The following HPSE2 variants were observed in gnomAD, a reference collection of about 807,000 sequenced individuals.
HPSE2 encodes heparanase 2 (inactive).
A neutral mutation model predicts 60.5 loss-of-function variants in HPSE2; 38 were observed. The ratio of observed to expected loss-of-function variants is 0.63; its 90% CI spans 0.48 to 0.82. The LOEUF (loss-of-function observed/expected upper bound fraction) is 0.82. HPSE2 is among the 40% of genes least tolerant of loss of function. The pLI is 0.00. For synonymous variants in HPSE2, 295 were observed against 293.2 expected (o/e 1.01, Z -0.06); for missense variants, 713 against 740.4 (o/e 0.96, Z 0.43).
intron 2 of HPSE2, among the ~76,000 whole-genome samples, chr10:99,184,815 TATATAGAGAGAGAGAGAGAG>T (rs1330991111): frequency 5.9e-4 from 17 of 28,642 alleles, no homozygotes; most frequent in Admixed American, 3.0e-3. Context: ...TATATATATA[TATATAGAGAGAGAGAGAGAG>T]AGAGAGAGAG....
intron 3 of HPSE2, among the ~76,000 whole-genome samples, chr10:98,806,742 A>C (rs1951050474): frequency 6.6e-6 from 1 of 152,188 alleles, no homozygotes; most frequent in Non-Finnish European, 1.5e-5. Context: ...TCATGTCTCT[A>C]ATTCTCATGA....
At chr10:98,917,634 C>T (rs1210931721) in intron 3 of HPSE2, among the ~76,000 whole-genome samples, 3 of 152,078 alleles carry the variant, frequency 2.0e-5, no homozygotes, top group Admixed American at 6.6e-5. Context: ...CAGTTTGGTG[C>T]CTGAATGAGG....
chr10:98,926,759 T>A (rs1351380795), intron 3 of HPSE2, among the ~76,000 whole-genome samples: 1 of 152,198 alleles, frequency 6.6e-6, no homozygotes, highest in African/African-American at 2.4e-5. Flanking sequence ...TTGTGATACA[T>A]CTTGTCCCTT....
At chr10:99,147,983 C>T (rs1846118109) in intron 2 of HPSE2, among the ~76,000 whole-genome samples, 1 of 152,040 alleles carries the variant, frequency 6.6e-6, no homozygotes, top group South Asian at 2.1e-4. Flanking sequence ...GAAAGCCAGA[C>T]CAAACAGAAG....
In HPSE2 at chr10:99,210,016, T is replaced by C. The variant is rs543187849; in HGVS notation, c.448+22332A>G. Among the ~76,000 whole-genome samples the C allele has an allele frequency of 8.6e-5, 13 of 151,372 alleles. No individual in the cohort carries two copies. In the South Asian group the frequency reaches 2.5e-3, roughly 29 times the overall value. The stretch of plus-strand genomic sequence containing the variant: ...GAGCTGTTTTTTTGAAAAGATAAAA[T>C]CAACAAATCTTTAGCTAGATTAAGA... On this transcript the variant is annotated intron_variant, in intron 2 of 11. Coordinates refer to ENST00000370552, the MANE Select transcript of HPSE2 (RefSeq NM_021828.5).
chr10:99,249,644 G>C, the HPSE2 span, among the ~76,000 whole-genome samples: 1 of 152,186 alleles, frequency 6.6e-6, no homozygotes, highest in African/African-American at 2.4e-5. Flanking sequence ...ACTATATTTT[G>C]CAATGTGAGA....
At chr10:98,485,554 C>A (rs1340860055) in intron 10 of HPSE2, among the ~76,000 whole-genome samples, 2 of 152,114 alleles carry the variant, frequency 1.3e-5, no homozygotes, top group Admixed American at 1.3e-4. Flanking sequence ...CTTATGTCCC[C>A]AGAACTCTGA....
At chr10:98,855,159 G>C (rs1371943663) in intron 3 of HPSE2, among the ~76,000 whole-genome samples, 1 of 152,220 alleles carries the variant, frequency 6.6e-6, no homozygotes, top group Admixed American at 6.5e-5. Context: ...CACCATACAA[G>C]CTGGTAAGAA....
intron 3 of HPSE2, among the ~76,000 whole-genome samples, chr10:98,942,525 A>T (rs572648303): frequency 5.1e-4 from 77 of 152,002 alleles, no homozygotes; most frequent in Admixed American, 1.3e-3. Context: ...TCAAAACCAC[A>T]ATGAGATACC....
intron 3 of HPSE2, among the ~76,000 whole-genome samples, chr10:98,971,266 T>C (rs1182246216): frequency 3.3e-5 from 5 of 152,204 alleles, no homozygotes; most frequent in Admixed American, 6.5e-5. Flanking sequence ...GAATTGTGGA[T>C]TTTTTAAAAA....
intron 7 of HPSE2, among the ~76,000 whole-genome samples, chr10:98,634,326 T>C (rs949149123): frequency 1.3e-5 from 2 of 152,210 alleles, no homozygotes; most frequent in African/African-American, 4.8e-5. Context: ...GCAGTCAATA[T>C]TGCCAAATGA....
At chr10:98,692,776 C>A (rs984833952) in intron 6 of HPSE2, among the ~76,000 whole-genome samples, 1 of 152,056 alleles carries the variant, frequency 6.6e-6, no homozygotes, top group Admixed American at 6.5e-5. Flanking sequence ...CTCAAACAAA[C>A]AAACAAACAA....
At chr10:99,135,444 C>A (rs1400981078) in intron 3 of HPSE2, among the ~76,000 whole-genome samples, 1 of 152,136 alleles carries the variant, frequency 6.6e-6, no homozygotes, top group Non-Finnish European at 1.5e-5. Context: ...CTAAAATTGA[C>A]CACATAATTG....
At chr10:98,707,732 G>A in intron 5 of HPSE2, among the ~76,000 whole-genome samples, 1 of 152,098 alleles carries the variant, frequency 6.6e-6, no homozygotes, top group East Asian at 1.9e-4. Context: ...GAGCTACCAT[G>A]ATCCTACAGA....
At chr10:99,112,203 T>C (rs1844488932) in intron 3 of HPSE2, among the ~76,000 whole-genome samples, 1 of 152,144 alleles carries the variant, frequency 6.6e-6, no homozygotes, top group Non-Finnish European at 1.5e-5. Flanking sequence ...AACAATAATA[T>C]ATTTTATAAC....
At chr10:98,693,775 T>G in intron 6 of HPSE2, 125 bp downstream of exon 6, 1 of 839,642 alleles carries the variant, frequency 1.2e-6, no homozygotes, top group Non-Finnish European at 2.1e-6. Flanking sequence ...GGAGTTACTT[T>G]CAAATTTTTT....
intron 4 of HPSE2, among the ~76,000 whole-genome samples, chr10:98,723,147 C>CTCAAA (rs1948972695): frequency 6.6e-6 from 1 of 152,106 alleles, no homozygotes; most frequent in Non-Finnish European, 1.5e-5. Flanking sequence ...CCATCAATAC[C>CTCAAA]TAATTTATTG....
rs533336795 is a variant in HPSE2, at chr10:99,039,654, T to C, written c.610+104584A>G. On this transcript the variant is annotated intron_variant, in intron 3 of 11. Transcript: ENST00000370552. ...TACAGAGTAAGTCATCAAATATATG[T>C]GTATAATTATCTATCGGTGTAATCA... Among the ~76,000 whole-genome samples, 72 of 152,164 alleles carry C rather than the reference T, an allele frequency of 4.7e-4. No individual in the cohort carries two copies. The South Asian group carries it at 0.015, about 31-fold the overall frequency.
chr10:99,252,671 T>TC, the HPSE2 span, among the ~76,000 whole-genome samples: 1 of 151,874 alleles, frequency 6.6e-6, no homozygotes, highest in Non-Finnish European at 1.5e-5. Flanking sequence ...AGTCAGGAGA[T>TC]CGAGACCATC....
Sources: allele counts gnomAD v4.1 joint callset (sites outside exome capture counted in the v4.1 genomes callset), GRCh38; gene constraint gnomAD v4.1.1; transcripts MANE v1.5; gene names NCBI Gene and HGNC (gene_info 2026-07-23, HGNC 2026-07-21).